The following AGBL4 variants were observed in gnomAD, a reference collection of about 807,000 sequenced individuals.
The protein encoded by AGBL4 is cytosolic carboxypeptidase 6.
In AGBL4, 58 loss-of-function variants were observed where a neutral mutation model predicts 66.4. That is an observed-to-expected ratio of 0.87 (90% confidence interval 0.71 to 1.09). AGBL4 has a LOEUF of 1.09. AGBL4 is among the 50% of genes least tolerant of loss of function. The pLI, the probability that AGBL4 is intolerant of heterozygous loss-of-function variation, is 0.00. For synonymous variants in AGBL4, 234 were observed against 222.9 expected (o/e 1.05, Z -0.44); for missense variants, 579 against 631.0 (o/e 0.92, Z 0.88).
At chr1:49,380,407 G>A (rs1427260279) in intron 3 of AGBL4, among the ~76,000 whole-genome samples, 4 of 152,038 alleles carry the variant, frequency 2.6e-5, no homozygotes, top group Non-Finnish European at 4.4e-5. Context: ...ATCATGAAAA[G>A]GGCCATACTG....
At chr1:48,881,622 G>T (rs1649793887) in intron 5 of AGBL4, among the ~76,000 whole-genome samples, 1 of 152,142 alleles carries the variant, frequency 6.6e-6, no homozygotes, top group African/African-American at 2.4e-5. Context: ...TACACATCTA[G>T]ATAGCGTTAA....
At chr1:49,319,645 A>G (rs908253503) in intron 3 of AGBL4, among the ~76,000 whole-genome samples, 2 of 152,208 alleles carry the variant, frequency 1.3e-5, no homozygotes, top group African/African-American at 4.8e-5. Flanking sequence ...AAACTCATAG[A>G]TACAGTCTTA....
intron 1 of AGBL4, 66 bp from the exon 2 acceptor site, chr1:49,851,584 C>T: frequency 6.7e-7 from 1 of 1,482,650 alleles, no homozygotes; most frequent in Middle Eastern, 1.7e-4. Context: ...CAGATTTTTA[C>T]TGTTAATTAC....
chr1:49,552,214 C>A (rs895846745), intron 3 of AGBL4, among the ~76,000 whole-genome samples: 1 of 152,144 alleles, frequency 6.6e-6, no homozygotes, highest in African/African-American at 2.4e-5. Context: ...TGAGAACTTA[C>A]CCCAAGCTAC....
chr1:49,845,138 C>G, intron 2 of AGBL4: 1 of 1,395,834 alleles, frequency 7.2e-7, no homozygotes. Context: ...CACCACCGTA[C>G]GCATACAGGA....
intron 11 of AGBL4, among the ~76,000 whole-genome samples, chr1:48,563,332 A>G (rs1180464914): frequency 6.6e-6 from 1 of 152,232 alleles, no homozygotes. Flanking sequence ...GCTAATGACA[A>G]GAGTTACTCA....
chr1:49,516,970 T>C (rs756023080), intron 3 of AGBL4, among the ~76,000 whole-genome samples: 1 of 151,998 alleles, frequency 6.6e-6, no homozygotes, highest in Non-Finnish European at 1.5e-5. Flanking sequence ...TAAATTTAAA[T>C]ATAATAGGCC....
chr1:49,013,814 TCA>T (rs1662625192), intron 5 of AGBL4, among the ~76,000 whole-genome samples: 2 of 152,186 alleles, frequency 1.3e-5, no homozygotes, highest in African/African-American at 4.8e-5. Context: ...AGCCTTAGTT[TCA>T]CAGTTTGGAA....
intron 3 of AGBL4, chr1:49,527,665 TATAACGTTTATC>T (rs1650775790): frequency 6.6e-6 from 1 of 152,284 alleles, no homozygotes; most frequent in Admixed American, 6.6e-5. Flanking sequence ...TTACAACTCT[TATAACGTTTATC>T]AAGCCATCCC....
intron 4 of AGBL4, among the ~76,000 whole-genome samples, chr1:49,139,959 T>A (rs1359144672): frequency 6.6e-6 from 1 of 152,170 alleles, no homozygotes; most frequent in Non-Finnish European, 1.5e-5. Context: ...ATATTTTTCA[T>A]ATCCACATAC....
At chr1:49,105,872 C>T (rs1645283461) in intron 4 of AGBL4, among the ~76,000 whole-genome samples, 1 of 152,154 alleles carries the variant, frequency 6.6e-6, no homozygotes, top group South Asian at 2.1e-4. Flanking sequence ...AATCCAATTG[C>T]TACTACATTC....
intron 6 of AGBL4, among the ~76,000 whole-genome samples, chr1:48,797,962 T>A (rs780014548): frequency 6.6e-6 from 1 of 152,202 alleles, no homozygotes; most frequent in Non-Finnish European, 1.5e-5. Flanking sequence ...CTTTTTCATA[T>A]AATGAGTTCT....
intron 3 of AGBL4, 57 bp from the exon 4 acceptor site, chr1:49,245,921 A>T (rs1651607602): frequency 7.8e-7 from 1 of 1,281,982 alleles, no homozygotes; most frequent in Admixed American, 2.0e-5. Flanking sequence ...TAACTTCCTG[A>T]TAATTAAGAC....
intron 3 of AGBL4, among the ~76,000 whole-genome samples, chr1:49,459,615 T>C (rs1000918473): frequency 6.6e-6 from 1 of 151,674 alleles, no homozygotes; most frequent in African/African-American, 2.4e-5. Flanking sequence ...ACCAGCTTTT[T>C]GTCTCATTTA....
chr1:48,788,596 A>G (rs908084517), intron 6 of AGBL4, among the ~76,000 whole-genome samples: 1 of 152,202 alleles, frequency 6.6e-6, no homozygotes, highest in East Asian at 1.9e-4. Context: ...TCTCAATCAT[A>G]AAAAAGGATG....
At chr1:49,282,731 T>G (rs1411817832) in intron 3 of AGBL4, among the ~76,000 whole-genome samples, 2 of 152,204 alleles carry the variant, frequency 1.3e-5, no homozygotes. Context: ...GTCAGGGAGT[T>G]CCCTTTACGA....
the AGBL4 span, among the ~76,000 whole-genome samples, chr1:48,524,548 G>A: frequency 3.3e-5 from 5 of 152,144 alleles, no homozygotes; most frequent in Non-Finnish European, 1.5e-5. Flanking sequence ...GCAGAGGGGT[G>A]ATCCATTAAT....
intron 11 of AGBL4, among the ~76,000 whole-genome samples, chr1:48,547,148 A>C (rs1644177122): frequency 6.6e-6 from 1 of 152,042 alleles, no homozygotes; most frequent in South Asian, 2.1e-4. Context: ...CACCTTAAGG[A>C]GTCTGGACTT....
At chr1:49,221,304 C>T (rs1649476503) in intron 4 of AGBL4, among the ~76,000 whole-genome samples, 2 of 152,230 alleles carry the variant, frequency 1.3e-5, no homozygotes, top group Middle Eastern at 3.4e-3. Flanking sequence ...ATCCCCACTT[C>T]AACATCCTCT....
Sources: allele counts gnomAD v4.1 joint callset (sites outside exome capture counted in the v4.1 genomes callset), GRCh38; gene constraint gnomAD v4.1.1; transcripts MANE v1.5; gene names NCBI Gene and HGNC (gene_info 2026-07-23, HGNC 2026-07-21).